The following CDH19 variants were observed in gnomAD, a reference collection of about 807,000 sequenced individuals.
The protein encoded by CDH19 is cadherin-19.
CDH19 carries 67 observed loss-of-function variants against 64.2 expected under a neutral mutation model. The observed-to-expected ratio is 1.04, with a 90% confidence interval of 0.86 to 1.28. The LOEUF is 1.28. Among genes scored for constraint, CDH19 ranks in the 50% most tolerant of loss-of-function variants. CDH19 has a pLI of 0.00. For synonymous variants in CDH19, 346 were observed against 319.3 expected (o/e 1.08, Z -0.89); for missense variants, 1,030 against 929.0 (o/e 1.11, Z -1.41).
chr18:66,552,132 G>A (rs1987366651), intron 4 of CDH19, among the ~76,000 whole-genome samples: 3 of 151,918 alleles, frequency 2.0e-5, no homozygotes, highest in South Asian at 2.1e-4. Flanking sequence ...TGTGTGTGAC[G>A]GGATCATTAG....
intron 3 of CDH19, among the ~76,000 whole-genome samples, chr18:66,565,688 T>C (rs1363329078): frequency 6.6e-6 from 1 of 151,982 alleles, no homozygotes; most frequent in Non-Finnish European, 1.5e-5. Flanking sequence ...ATTTATTTAC[T>C]TCACAGTCAA....
intron 1 of CDH19, among the ~76,000 whole-genome samples, chr18:66,599,098 T>C (rs1277630566): frequency 1.3e-5 from 2 of 152,066 alleles, no homozygotes; most frequent in East Asian, 3.8e-4. Flanking sequence ...TTTCTGCATA[T>C]TAACTTAAAT....
At chr18:66,554,617 T>C (rs1987454092) in intron 3 of CDH19, 93 bp from the exon 4 acceptor site, 2 of 1,008,980 alleles carry the variant, frequency 2.0e-6, no homozygotes, top group Non-Finnish European at 2.8e-6. Flanking sequence ...AAGCAAGATG[T>C]TGTTACAAAA....
At position 66,544,041 on chromosome 18, in the gene CDH19, C is replaced by T. The variant is rs375785755; in HGVS notation, c.1144G>A (p.Glu382Lys). The T allele has an allele frequency of 1.7e-5, 28 of 1,613,450 alleles. No individual in the cohort carries two copies. The highest frequency in any genetic ancestry group is 2.2e-5 in the Non-Finnish European group (26 of 1,179,598). Residue 382 changes from glutamate (E) to lysine (K), a missense_variant, in exon 7 of 12, where the codon GAA becomes AAA. By Grantham distance (56) the Glu-to-Lys change is moderately conservative. Transcript: ENST00000262150. Reference sequence around the variant, plus strand: ...CCTACAAATGATCCCTGTGGGGTTTCTTCAAAAACTTCAAATACATAATAT... The same window carrying T: ...CCTACAAATGATCCCTGTGGGGTTTTTTCAAAAACTTCAAATACATAATAT... ...LPYYVFEVFE[E>K]TPQGSFVGVV...
intron 9 of CDH19, among the ~76,000 whole-genome samples, chr18:66,514,666 G>T (rs1177275300): frequency 6.6e-6 from 1 of 151,450 alleles, no homozygotes; most frequent in Non-Finnish European, 1.5e-5. Flanking sequence ...ATCACTATTT[G>T]ACTTTAAAGA....
intron 7 of CDH19, among the ~76,000 whole-genome samples, chr18:66,543,227 A>AC (rs1250560024): frequency 6.6e-6 from 1 of 151,836 alleles, no homozygotes; most frequent in Non-Finnish European, 1.5e-5. Flanking sequence ...ACGGGGTTTC[A>AC]CATGTTAGCC....
chr18:66,541,853 CA>C (rs982407214), intron 7 of CDH19, among the ~76,000 whole-genome samples: 2 of 152,038 alleles, frequency 1.3e-5, no homozygotes, highest in Admixed American at 6.5e-5. Flanking sequence ...CTATAAAATA[CA>C]AAACCTCTTA....
intron 3 of CDH19, among the ~76,000 whole-genome samples, chr18:66,567,240 CAAG>C (rs913457941): frequency 4.6e-5 from 7 of 150,596 alleles, no homozygotes; most frequent in Non-Finnish European, 8.9e-5. Flanking sequence ...ATAATATATG[CAAG>C]AAGAAGAAGA....
In CDH19 at chr18:66,539,894, A is replaced by T. The variant is rs117580833; in HGVS notation, c.1214+4077T>A. Among the ~76,000 whole-genome samples the T allele has an allele frequency of 4.3e-4, 66 of 152,156 alleles. 1 individual carries two copies. Among genetic ancestry groups the T allele is most frequent in the East Asian group, 3.7e-3 (19 of 5,182 alleles). On this transcript the variant is annotated intron_variant, in intron 7 of 11. Transcript: ENST00000262150. ...TACATATATGGTTGTTTGTAAATGT[A>T]TACGTGTGTGTGTGTGTATGCTAAG...
At position 66,572,171 on chromosome 18, in the gene CDH19, C is replaced by T; in HGVS notation, c.34G>A (p.Gly12Arg). The T allele has an allele frequency of 6.2e-7, 1 of 1,611,028 alleles. No individual in the cohort carries two copies. The highest frequency in any genetic ancestry group is 8.5e-7 in the Non-Finnish European group (1 of 1,178,112). Residue 12 changes from glycine (G) to arginine (R), a missense_variant, in exon 2 of 12, where the codon GGA becomes AGA. By Grantham distance (125) the Gly-to-Arg change is moderately radical. Coordinates refer to ENST00000262150, the MANE Select transcript of CDH19 (RefSeq NM_021153.4). Reference protein sequence around the residue: ...NCYLLLRFMLGIPLLWPCLGA... With the variant: ...NCYLLLRFMLRIPLLWPCLGA... ...AGACAAGGCCATAGGAGAGGAATTC[C>T]CAACATAAAACGCAGCAGTAAATAA... is the stretch of plus-strand genomic sequence containing the variant.
chr18:66,547,667 T>TG (rs1454424656), intron 5 of CDH19, among the ~76,000 whole-genome samples: 3 of 133,078 alleles, frequency 2.3e-5, no homozygotes, highest in East Asian at 2.1e-4. Context: ...TTAGGTTTTT[T>TG]TTTTTTTTTT....
At chr18:66,597,482 C>G (rs1988931521) in intron 1 of CDH19, among the ~76,000 whole-genome samples, 1 of 151,968 alleles carries the variant, frequency 6.6e-6, no homozygotes, top group Non-Finnish European at 1.5e-5. Flanking sequence ...AATGTAAATC[C>G]TACAACTATA....
chr18:66,581,076 A>C (rs1372836452), intron 1 of CDH19, among the ~76,000 whole-genome samples: 2 of 152,140 alleles, frequency 1.3e-5, no homozygotes, highest in African/African-American at 4.8e-5. Flanking sequence ...ATATTTTCCA[A>C]TCAGATGAAT....
intron 1 of CDH19, among the ~76,000 whole-genome samples, chr18:66,589,616 C>T (rs985827855): frequency 6.6e-6 from 1 of 151,234 alleles, no homozygotes. Flanking sequence ...ACTCTACTAT[C>T]AAAAATAATA....
chr18:66,543,902 T>A (rs1374282578), intron 7 of CDH19, 69 bp downstream of exon 7: 2 of 1,167,528 alleles, frequency 1.7e-6, no homozygotes. Flanking sequence ...AAAGATTGCA[T>A]GCAATTTTAT....
intron 1 of CDH19, among the ~76,000 whole-genome samples, chr18:66,578,138 G>A (rs1007230621): frequency 6.6e-6 from 1 of 151,882 alleles, no homozygotes; most frequent in African/African-American, 2.4e-5. Context: ...TTGGTTTTAG[G>A]TGTGAAGACC....
Sources: gnomAD v4.1 joint callset for allele counts (sites outside exome capture counted in the v4.1 genomes callset) on GRCh38, gnomAD v4.1.1 for gene constraint, MANE v1.5 for transcripts, NCBI Gene and HGNC (gene_info 2026-07-23, HGNC 2026-07-21) for gene names.